GPR160: variants seen among roughly 807,000 people sequenced by gnomAD.
The protein encoded by GPR160 is probable G protein-coupled receptor 160.
A neutral mutation model predicts 2.6 loss-of-function variants in GPR160; 2 were observed. The ratio of observed to expected loss-of-function variants is 0.77; its 90% CI spans 0.32 to 2.44. The LOEUF is 2.44. Ranked by LOEUF, GPR160 falls within the 30% of genes most tolerant of loss-of-function variation. GPR160 has a pLI of 0.11. For missense variants in GPR160, 351 were observed against 383.6 expected, an observed-to-expected ratio of 0.91 and a Z score of 0.71; for synonymous variants, 130 against 132.2, an observed-to-expected ratio of 0.98 and a Z score of 0.12.
At chr3:170,069,477 C>T (rs1336450203) in intron 2 of GPR160, among the ~76,000 whole-genome samples, 2 of 152,182 alleles carry the variant, frequency 1.3e-5, no homozygotes, top group East Asian at 3.8e-4. Context: ...ATGTGAATAG[C>T]AGTCTCCTAG....
intron 2 of GPR160, chr3:170,062,817 G>T (rs1712037546): frequency 3.3e-6 from 2 of 601,476 alleles, no homozygotes; most frequent in Admixed American, 2.6e-5. Context: ...AGATGAATTG[G>T]TTGAAAGCGG....
intron 2 of GPR160, among the ~76,000 whole-genome samples, chr3:170,057,582 A>G (rs938066453): frequency 3.3e-5 from 5 of 152,246 alleles, no homozygotes; most frequent in Non-Finnish European, 7.3e-5. Context: ...AAACATTGGC[A>G]ACACTGAAAT....
chr3:170,059,343 A>G (rs916251393), intron 2 of GPR160, among the ~76,000 whole-genome samples: 3 of 152,220 alleles, frequency 2.0e-5, no homozygotes, highest in South Asian at 4.1e-4. Context: ...CAAAGAAGAG[A>G]ATTCAGATAA....
intron 2 of GPR160, among the ~76,000 whole-genome samples, chr3:170,047,712 T>C (rs1429651315): frequency 6.7e-6 from 1 of 148,502 alleles, no homozygotes; most frequent in Non-Finnish European, 1.5e-5. Context: ...ACATCACATA[T>C]ACACATACAT....
In GPR160 at chr3:170,059,121, G is replaced by A. The variant is rs913516344; in HGVS notation, c.-193+20078G>A. Reference sequence around the variant, plus strand: ...CAGAAATAAATGATAGGGGGTGGGTGGATATTAGTGGAGGAAATAAGTATG... The same window carrying A: ...CAGAAATAAATGATAGGGGGTGGGTAGATATTAGTGGAGGAAATAAGTATG... On this transcript the variant is annotated intron_variant, in intron 2 of 3. Transcript: ENST00000355897. Among the ~76,000 whole-genome samples, 18 of 152,034 alleles carry A rather than the reference G, an allele frequency of 1.2e-4. No individual in the cohort carries two copies. The East Asian group carries it at 1.4e-3, about 11-fold the overall frequency.
chr3:170,082,527 A>T (rs1442412044), intron 3 of GPR160, among the ~76,000 whole-genome samples: 1 of 152,198 alleles, frequency 6.6e-6, no homozygotes, highest in Non-Finnish European at 1.5e-5. Flanking sequence ...GGATGCATTC[A>T]AGATCCAAAA....
chr3:170,039,698 G>C (rs530731422), intron 2 of GPR160, among the ~76,000 whole-genome samples: 84 of 152,346 alleles, frequency 5.5e-4, no homozygotes, highest in Admixed American at 1.4e-3. Flanking sequence ...GGCAGAGCGA[G>C]ACTCCGTCTC....
rs1344115992 is a variant in GPR160 at position 170,059,034 on chromosome 3, C to A, written c.-193+19991C>A. On this transcript the variant is annotated intron_variant, in intron 2 of 3. Transcript: ENST00000355897. ...ATGTACACACACACATGCACAAACA[C>A]ACACACACACACACACACACACACA... Among the ~76,000 whole-genome samples the A allele has an allele frequency of 1.1e-4, 5 of 45,958 alleles. No individual in the cohort carries two copies. The Admixed American group carries it at 1.2e-3, about 11-fold the overall frequency. The allele number at this position is 45,958 out of a possible 152,430, so 30.2% of individuals were successfully genotyped here.
At chr3:170,058,551 G>T (rs1156247049) in intron 2 of GPR160, among the ~76,000 whole-genome samples, 1 of 152,186 alleles carries the variant, frequency 6.6e-6, no homozygotes, top group Non-Finnish European at 1.5e-5. Context: ...GAAAACACAA[G>T]AGAGTATTAT....
chr3:170,051,056 G>A (rs1349265074), intron 2 of GPR160, among the ~76,000 whole-genome samples: 1 of 152,150 alleles, frequency 6.6e-6, no homozygotes, highest in East Asian at 1.9e-4. Flanking sequence ...TTCCAAAAGC[G>A]GCTGTGCAAT....
chr3:170,084,119 C>T lies in GPR160; in HGVS notation c.147C>T (p.Asn49=). 1.3e-6 allele frequency: 2 copies of T among 1,594,630 alleles called. No homozygotes were observed. The highest frequency in any genetic ancestry group is 1.1e-5 in the South Asian group (1 of 87,580). The change falls in exon 4 of 4, where the codon AAC becomes AAT. Residue 49 remains asparagine, a synonymous_variant. Transcript: ENST00000355897. The part of the protein sequence containing the change: ...NILTLGMRRK[N]TCQNFMEYFC... ...TTACACTAGGAATGAGAAGAAAAAA[C>T]ACCTGTCAAAATTTTATGGAATATT...
intron 2 of GPR160, among the ~76,000 whole-genome samples, chr3:170,042,866 T>G (rs1716520730): frequency 6.9e-6 from 1 of 144,114 alleles, no homozygotes. Context: ...ATGGTAGTCT[T>G]CTGGTAGTCT....
At position 170,084,651 on chromosome 3, in the gene GPR160, T is replaced by G. The variant is rs760617683; in HGVS notation, c.679T>G (p.Ser227Ala). The change falls in exon 4 of 4, where the codon TCA becomes GCA. Residue 227 changes from serine to alanine, a missense_variant. Ser to Ala is a moderately conservative substitution (Grantham distance 99). Transcript: ENST00000355897. ...MNETILYFPFSSHSSYTVRSK... is the reference protein window; with the variant it reads ...MNETILYFPFASHSSYTVRSK... ...TGAAACTATCTTATATTTTCCTTTT[T>G]CATCCCACTCCAGTTATACTGTGAG... 6.2e-7 allele frequency: 1 copy of G among 1,610,742 alleles called. No individual in the cohort carries two copies. The highest frequency in any genetic ancestry group is 8.5e-7 in the Non-Finnish European group (1 of 1,177,194).
chr3:170,069,290 T>A (rs987196263), intron 2 of GPR160, among the ~76,000 whole-genome samples: 11 of 152,248 alleles, frequency 7.2e-5, no homozygotes, highest in African/African-American at 2.7e-4. Context: ...CATCCCTTTC[T>A]GAAGACACTT....
intron 2 of GPR160, among the ~76,000 whole-genome samples, chr3:170,079,484 C>G (rs1368486698): frequency 6.6e-6 from 1 of 152,180 alleles, no homozygotes; most frequent in Non-Finnish European, 1.5e-5. Flanking sequence ...AAACCAAACA[C>G]TTTGGAGGAC....
At chr3:170,048,284 T>A (rs1308454821) in intron 2 of GPR160, among the ~76,000 whole-genome samples, 1 of 152,128 alleles carries the variant, frequency 6.6e-6, no homozygotes, top group Non-Finnish European at 1.5e-5. Context: ...GGGAAGGGGA[T>A]GAGGGATGAA....
chr3:170,082,270 A>G (rs1713172841), intron 3 of GPR160, among the ~76,000 whole-genome samples: 1 of 152,226 alleles, frequency 6.6e-6, no homozygotes, highest in Non-Finnish European at 1.5e-5. Context: ...TTATCATGAC[A>G]TTATTTTTTT....
At chr3:170,042,776 A>G (rs1716512090) in intron 2 of GPR160, among the ~76,000 whole-genome samples, 1 of 145,172 alleles carries the variant, frequency 6.9e-6, no homozygotes, top group Admixed American at 7.1e-5. Flanking sequence ...GCAGTAAGCT[A>G]TGTTTGCACC....
chr3:170,058,794 C>T (rs1042109680), intron 2 of GPR160, among the ~76,000 whole-genome samples: 8 of 152,114 alleles, frequency 5.3e-5, no homozygotes, highest in African/African-American at 1.9e-4. Context: ...AATTTGGAAA[C>T]AACCTTTATG....
Sources: gnomAD v4.1 joint callset for allele counts (sites outside exome capture counted in the v4.1 genomes callset) on GRCh38, gnomAD v4.1.1 for gene constraint, MANE v1.5 for transcripts, NCBI Gene and HGNC (gene_info 2026-07-23, HGNC 2026-07-21) for gene names.